The following RBFOX1 variants were observed in gnomAD, a reference collection of about 807,000 sequenced individuals.
RBFOX1 encodes RNA binding fox-1 homolog 1, also known as RNA binding protein fox-1 homolog 1.
Under a neutral mutation model 57.7 loss-of-function variants are expected in RBFOX1, and 8 were observed. The ratio of observed to expected loss-of-function variants is 0.14; its 90% confidence interval spans 0.08 to 0.25. RBFOX1 has a LOEUF of 0.25. RBFOX1 is among the 10% of genes least tolerant of loss of function. The pLI is 1.00. For missense variants in RBFOX1, 611 were observed against 548.5 expected (o/e 1.11, Z -1.14); for synonymous variants, 326 against 222.4 (o/e 1.47, Z -4.15).
At chr16:6,880,204 A>G (rs1567689635) in intron 3 of RBFOX1, among the ~76,000 whole-genome samples, 1 of 85,306 alleles carries the variant, frequency 1.2e-5, no homozygotes, top group Non-Finnish European at 2.5e-5. Context: ...AAGGTATAAA[A>G]GAGCAAAATT....
intron 3 of RBFOX1, among the ~76,000 whole-genome samples, chr16:6,981,161 G>T (rs565153169): frequency 6.7e-6 from 1 of 150,308 alleles, no homozygotes; most frequent in South Asian, 2.1e-4. Flanking sequence ...TTGCAGGTTT[G>T]TTGCACAGAT....
intron 3 of RBFOX1, among the ~76,000 whole-genome samples, chr16:6,825,280 A>G (rs912631893): frequency 4.0e-5 from 6 of 150,972 alleles, no homozygotes; most frequent in Non-Finnish European, 8.8e-5. Context: ...TCCCTACTCT[A>G]GATGCCAAAA....
At chr16:5,548,475 T>G (rs915349518) in intron 2 of RBFOX1, among the ~76,000 whole-genome samples, 2 of 151,982 alleles carry the variant, frequency 1.3e-5, no homozygotes, top group Non-Finnish European at 2.9e-5. Context: ...GATAATAACT[T>G]AATTGTAGAT....
chr16:6,601,540 CA>C (rs1303566731), intron 2 of RBFOX1, among the ~76,000 whole-genome samples: 2 of 152,118 alleles, frequency 1.3e-5, no homozygotes, highest in African/African-American at 4.8e-5. Context: ...CATAGTTTTG[CA>C]AGCACCCTAT....
chr16:6,036,063 C>G (rs1345179360), intron 1 of RBFOX1, among the ~76,000 whole-genome samples: 1 of 152,136 alleles, frequency 6.6e-6, no homozygotes, highest in Non-Finnish European at 1.5e-5. Flanking sequence ...CCTCCACCAC[C>G]AAAAATCAGT....
chr16:6,717,624 T>A (rs939361104), intron 3 of RBFOX1, among the ~76,000 whole-genome samples: 1 of 151,854 alleles, frequency 6.6e-6, no homozygotes, highest in African/African-American at 2.4e-5. Flanking sequence ...ATTTTTTACA[T>A]GTCACATCCT....
intron 3 of RBFOX1, among the ~76,000 whole-genome samples, chr16:6,681,188 T>G (rs558368762): frequency 1.3e-5 from 2 of 152,214 alleles, no homozygotes; most frequent in East Asian, 3.9e-4. Flanking sequence ...GGCACGTGCC[T>G]GTAGTCCCAG....
intron 2 of RBFOX1, among the ~76,000 whole-genome samples, chr16:6,599,107 C>T (rs1251964424): frequency 6.6e-6 from 1 of 152,168 alleles, no homozygotes; most frequent in African/African-American, 2.4e-5. Flanking sequence ...TCAGTATGTT[C>T]CAAATCACCT....
chr16:7,420,763 T>A (rs1434243208), intron 4 of RBFOX1, among the ~76,000 whole-genome samples: 2 of 151,586 alleles, frequency 1.3e-5, no homozygotes, highest in African/African-American at 4.8e-5. Context: ...TTTCTTTATA[T>A]TGATCTTTTT....
chr16:6,073,051 A>T (rs1304412549), intron 1 of RBFOX1, among the ~76,000 whole-genome samples: 1 of 152,332 alleles, frequency 6.6e-6, no homozygotes, highest in South Asian at 2.1e-4. Context: ...TCTCAGACAC[A>T]TTTTGTGACT....
At chr16:5,370,315 G>A (rs1356128160) in intron 1 of RBFOX1, among the ~76,000 whole-genome samples, 1 of 152,062 alleles carries the variant, frequency 6.6e-6, no homozygotes, top group Non-Finnish European at 1.5e-5. Context: ...ATCTCCATGA[G>A]TTTTGTGTTC....
chr16:7,387,075 GT>G (rs1179652529), intron 4 of RBFOX1, among the ~76,000 whole-genome samples: 2 of 152,140 alleles, frequency 1.3e-5, no homozygotes, highest in East Asian at 3.9e-4. Flanking sequence ...TGATGGGGTT[GT>G]TTTTTTCTTG....
chr16:6,060,672 C>T (rs1567357298), intron 1 of RBFOX1, among the ~76,000 whole-genome samples: 1 of 152,122 alleles, frequency 6.6e-6, no homozygotes, highest in Non-Finnish European at 1.5e-5. Context: ...TCAAACCACT[C>T]GTACTACCTT....
chr16:6,916,206 A>G (rs2073121479), intron 3 of RBFOX1, among the ~76,000 whole-genome samples: 1 of 152,136 alleles, frequency 6.6e-6, no homozygotes, highest in Admixed American at 6.6e-5. Flanking sequence ...AGGAATCAGG[A>G]GGCATTCACG....
intron 3 of RBFOX1, among the ~76,000 whole-genome samples, chr16:6,847,451 G>A (rs1203946122): frequency 6.6e-6 from 1 of 151,996 alleles, no homozygotes; most frequent in African/African-American, 2.4e-5. Context: ...CATCTTCACA[G>A]CAATGGGGAG....
chr16:5,678,365 G>A (rs995228478), intron 3 of RBFOX1, among the ~76,000 whole-genome samples: 10 of 152,196 alleles, frequency 6.6e-5, no homozygotes, highest in Non-Finnish European at 1.5e-4. Flanking sequence ...GAACAAACAA[G>A]TATTCGTCCC....
intron 4 of RBFOX1, among the ~76,000 whole-genome samples, chr16:7,140,592 A>G (rs182632968): frequency 1.3e-5 from 2 of 152,244 alleles, no homozygotes; most frequent in African/African-American, 2.4e-5. Context: ...CTATTTTTTT[A>G]AAGGAATGAA....
At chr16:5,257,370 T>C (rs2151091051) in intron 1 of RBFOX1, among the ~76,000 whole-genome samples, 1 of 152,216 alleles carries the variant, frequency 6.6e-6, no homozygotes, top group African/African-American at 2.4e-5. Flanking sequence ...CCTGGGCAGG[T>C]TTACCTCTCT....
chr16:5,721,877 A>C (rs907295975), intron 3 of RBFOX1, among the ~76,000 whole-genome samples: 2 of 152,240 alleles, frequency 1.3e-5, no homozygotes, highest in Non-Finnish European at 2.9e-5. Context: ...GACCAAGCAC[A>C]AGATTCACTG....
Sources: gnomAD v4.1 joint callset for allele counts (sites outside exome capture counted in the v4.1 genomes callset) on GRCh38, gnomAD v4.1.1 for gene constraint, MANE v1.5 for transcripts, NCBI Gene and HGNC (gene_info 2026-07-23, HGNC 2026-07-21) for gene names.